Variants in STX18 observed in about 807,000 individuals in gnomAD.
STX18 encodes syntaxin 18.
STX18 carries 40 observed loss-of-function variants against 50.1 expected under a neutral mutation model. The ratio of observed to expected loss-of-function variants is 0.80; its 90% CI spans 0.62 to 1.04. The LOEUF (loss-of-function observed/expected upper bound fraction) is 1.04, where lower values mean the gene tolerates loss of function less well. Ranked by LOEUF, STX18 falls within the 50% of genes least tolerant of loss-of-function variation. The probability of loss-of-function intolerance (pLI) is 0.00; values close to 1 mark genes in which losing one functional copy is unlikely to be tolerated. For synonymous variants in STX18, 158 were observed against 151.8 expected (o/e 1.04, Z -0.30); for missense variants, 410 against 415.8 (o/e 0.99, Z 0.12).
Position 4,471,828 on chromosome 4 carries a change from C to T in STX18, c.169-122G>A, listed in dbSNP as rs189359059. The stretch of plus-strand genomic sequence containing the variant: ...GATTCTGAAGCTACAAACTGAGCAC[C>T]GTCGGTTTTGGACTCTCGTACAGTC... On this transcript the variant is annotated intron_variant, in intron 1 of 10. Transcript: ENST00000306200. The T allele has an allele frequency of 1.1e-4, 80 of 716,644 alleles. 1 individual carries two copies. Among genetic ancestry groups the T allele is most frequent in the African/African-American group, 9.2e-5 (5 of 54,498 alleles). The allele number at this position is 716,644 out of a possible 1,614,324, so 44.4% of individuals were successfully genotyped here. A position where few individuals can be genotyped will look rare whatever the true frequency, so the allele number is the denominator to read the frequency against.
In STX18 at chr4:4,423,593, T is replaced by C. The variant is rs373842916; in HGVS notation, c.762-6A>G. 2.9e-5 allele frequency: 47 copies of C among 1,613,814 alleles called. No homozygotes were observed. Among genetic ancestry groups the C allele is most frequent in the African/African-American group, 1.3e-5 (1 of 74,902 alleles). On this transcript the variant is annotated splice_region_variant and splice_polypyrimidine_tract_variant and intron_variant, in intron 8 of 10. Coordinates refer to ENST00000306200, the MANE Select transcript of STX18 (RefSeq NM_016930.4). Reference sequence around the variant, plus strand: ...CCACTCTCCCTTCGATTTGCCTTCATAAAAAGAACAGATTACATATTAACT... The same window carrying C: ...CCACTCTCCCTTCGATTTGCCTTCACAAAAAGAACAGATTACATATTAACT...
chr4:4,423,435 G>T, intron 9 of STX18, 83 bp downstream of exon 9: 4 of 1,357,596 alleles, frequency 2.9e-6, no homozygotes, highest in Non-Finnish European at 4.2e-6. Flanking sequence ...TAGAGCAGCA[G>T]CCTTTGGGAA....
At position 4,438,401 on chromosome 4, in the gene STX18, T is replaced by C; in HGVS notation, c.606A>G (p.Glu202=). Reference sequence around the variant, plus strand: ...TTTCATCTCAATTCGTACCTGGACGTTCTTCAGTGGCAGGGTTTTCTTCAG... The same window carrying C: ...TTTCATCTCAATTCGTACCTGGACGCTCTTCAGTGGCAGGGTTTTCTTCAG... The part of the protein sequence containing the change: ...KDSEENPATE[E]RPEKILAETQ... The change falls in exon 6 of 11, where the codon GAA becomes GAG. Residue 202 remains glutamate, a synonymous_variant. Coordinates refer to ENST00000306200, the MANE Select transcript of STX18 (RefSeq NM_016930.4). 1 of 1,610,526 alleles carries C rather than the reference T, an allele frequency of 6.2e-7. No individual in the cohort carries two copies. The highest frequency in any genetic ancestry group is 1.3e-5 in the African/African-American group (1 of 74,820).
intron 2 of STX18, among the ~76,000 whole-genome samples, chr4:4,462,428 G>C (rs1727427944): frequency 6.6e-6 from 1 of 152,188 alleles, no homozygotes; most frequent in African/African-American, 2.4e-5. Flanking sequence ...TACATGGCAG[G>C]ATTGGGACTG....
At chr4:4,465,645 A>C (rs1727585813) in intron 2 of STX18, among the ~76,000 whole-genome samples, 1 of 152,226 alleles carries the variant, frequency 6.6e-6, no homozygotes, top group Non-Finnish European at 1.5e-5. Flanking sequence ...CATCAGGAAG[A>C]ATAGCTAATG....
chr4:4,450,853 T>G (rs1236324164), intron 5 of STX18, among the ~76,000 whole-genome samples: 1 of 152,226 alleles, frequency 6.6e-6, no homozygotes, highest in Non-Finnish European at 1.5e-5. Flanking sequence ...CTTCACTGAC[T>G]TTTAAAATAA....
At chr4:4,422,739 T>C (rs776909120) in intron 9 of STX18, among the ~76,000 whole-genome samples, 44 of 152,342 alleles carry the variant, frequency 2.9e-4, no homozygotes, top group Non-Finnish European at 6.2e-4. Flanking sequence ...GAACCCGAAC[T>C]TGCAAACCAC....
chr4:4,459,272 A>C, intron 3 of STX18, 100 bp downstream of exon 3: 1 of 833,688 alleles, frequency 1.2e-6, no homozygotes, highest in Non-Finnish European at 2.0e-6. Context: ...ACCTAAATCG[A>C]AATAAGAAGA....
intron 1 of STX18, among the ~76,000 whole-genome samples, chr4:4,530,014 C>T (rs1731020990): frequency 6.6e-6 from 1 of 152,122 alleles, no homozygotes; most frequent in Non-Finnish European, 1.5e-5. Flanking sequence ...AAATAGCCCC[C>T]ACCCCTCCAC....
intron 1 of STX18, among the ~76,000 whole-genome samples, chr4:4,492,917 T>G (rs1164019976): frequency 6.6e-6 from 1 of 152,202 alleles, no homozygotes; most frequent in Non-Finnish European, 1.5e-5. Context: ...CAAATCTGTG[T>G]ACTTCCAAAT....
chr4:4,496,466 T>C (rs1729174412), intron 1 of STX18, among the ~76,000 whole-genome samples: 1 of 152,116 alleles, frequency 6.6e-6, no homozygotes. Context: ...CCCCTTTCGC[T>C]CACCCCATCA....
intron 1 of STX18, among the ~76,000 whole-genome samples, chr4:4,521,128 T>C (rs549590821): frequency 2.0e-5 from 3 of 152,162 alleles, no homozygotes; most frequent in African/African-American, 7.2e-5. Flanking sequence ...TCCAATAAAA[T>C]GCAAAAGTCT....
intron 1 of STX18, among the ~76,000 whole-genome samples, chr4:4,488,791 G>A (rs1728807153): frequency 6.6e-6 from 1 of 152,156 alleles, no homozygotes; most frequent in Admixed American, 6.5e-5. Context: ...AGGGGAGGGG[G>A]TGGCCCTGAG....
At position 4,438,391 on chromosome 4, in the gene STX18, T is replaced by C. The variant is rs763371822; in HGVS notation, c.613+3A>G. 6.2e-7 allele frequency: 1 copy of C among 1,606,808 alleles called. No individual in the cohort carries two copies. The highest frequency in any genetic ancestry group is 8.5e-7 in the Non-Finnish European group (1 of 1,174,836). On this transcript the variant is annotated splice_donor_region_variant and intron_variant, in intron 6 of 10. Transcript: ENST00000306200. ...AAGGTGAGATTTTCATCTCAATTCGTACCTGGACGTTCTTCAGTGGCAGGG... is the reference window on the plus strand; with the variant it reads ...AAGGTGAGATTTTCATCTCAATTCGCACCTGGACGTTCTTCAGTGGCAGGG...
intron 1 of STX18, among the ~76,000 whole-genome samples, chr4:4,516,094 A>G (rs1730255460): frequency 6.6e-6 from 1 of 152,222 alleles, no homozygotes; most frequent in Non-Finnish European, 1.5e-5. Flanking sequence ...AGGTCTAGAC[A>G]AAACCCTATG....
At chr4:4,442,323 GA>G (rs530567363) in intron 5 of STX18, among the ~76,000 whole-genome samples, 7 of 148,982 alleles carry the variant, frequency 4.7e-5, no homozygotes, top group South Asian at 2.1e-4. Context: ...CCACACATAT[GA>G]AAAAAAAAAC....
At chr4:4,425,268 G>A in intron 7 of STX18, 46 bp from the exon 8 acceptor site, 1 of 1,551,134 alleles carries the variant, frequency 6.4e-7, no homozygotes, top group Middle Eastern at 1.7e-4. Context: ...ACTGAACTTA[G>A]GCAAGAGTCT....
chr4:4,531,297 AC>A (rs751311183), intron 1 of STX18, among the ~76,000 whole-genome samples: 5 of 152,118 alleles, frequency 3.3e-5, no homozygotes, highest in Non-Finnish European at 7.4e-5. Flanking sequence ...TGTTGACAAC[AC>A]TTTTTCTTCA....
intron 6 of STX18, among the ~76,000 whole-genome samples, chr4:4,436,944 G>C (rs1725813478): frequency 7.3e-6 from 1 of 136,878 alleles, no homozygotes; most frequent in Non-Finnish European, 1.5e-5. Context: ...TTCAGGTCCA[G>C]ACTCACTTTT....
Sources: allele counts gnomAD v4.1 joint callset (sites outside exome capture counted in the v4.1 genomes callset), GRCh38; gene constraint gnomAD v4.1.1; transcripts MANE v1.5; gene names NCBI Gene and HGNC (gene_info 2026-07-23, HGNC 2026-07-21).